The following NIBAN2 variants were observed in gnomAD, a reference collection of about 807,000 sequenced individuals.
The protein encoded by NIBAN2 is protein Niban 2.
NIBAN2 carries 36 observed loss-of-function variants against 81.8 expected under a neutral mutation model. That is an observed-to-expected ratio of 0.44 (90% CI 0.34 to 0.58). NIBAN2 has a LOEUF of 0.58. Among genes scored for constraint, NIBAN2 ranks in the 20% least tolerant of loss-of-function variants. The pLI, the probability that NIBAN2 is intolerant of heterozygous loss-of-function variation, is 0.02. For synonymous variants in NIBAN2, 445 were observed against 441.6 expected (o/e 1.01, Z -0.10); for missense variants, 897 against 1,014.1 (o/e 0.88, Z 1.57).
chr9:127,531,573 AAAGT>A, intron 2 of NIBAN2, 71 bp downstream of exon 2: 1 of 1,480,390 alleles, frequency 6.8e-7, no homozygotes, highest in Non-Finnish European at 9.2e-7. Context: ...GAGGCCCAGA[AAAGT>A]AAGGTCACTC....
chr9:127,569,810 A>G (rs575373648), upstream of NIBAN2, among the ~76,000 whole-genome samples: 1 of 152,248 alleles, frequency 6.6e-6, no homozygotes, highest in African/African-American at 2.4e-5. Flanking sequence ...GCATATGGGC[A>G]TTTCACTCGG....
At chr9:127,535,462 C>T (rs1837257999) in intron 1 of NIBAN2, among the ~76,000 whole-genome samples, 1 of 152,120 alleles carries the variant, frequency 6.6e-6, no homozygotes, top group African/African-American at 2.4e-5. Context: ...AGGCTGTGGA[C>T]TGGAGAGGAA....
Position 127,541,301 on chromosome 9 carries a change from GAC to G in NIBAN2, c.56-9525_56-9524del, listed in dbSNP as rs1837374934. On this transcript the variant is annotated intron_variant, in intron 1 of 13. Coordinates refer to ENST00000373312, the MANE Select transcript of NIBAN2 (RefSeq NM_022833.4). ...TTGCCCCCCACCTACTGTCACAATC[GAC>G]ACACAATAGCAGCAGCCACTTGTCA... Among the ~76,000 whole-genome samples, 3 of 152,256 alleles carry G rather than the reference GAC, an allele frequency of 2.0e-5. No individual in the cohort carries two copies. In the South Asian group the frequency reaches 6.2e-4, roughly 32 times the overall value.
chr9:127,516,414 G>A (rs1321561877), intron 8 of NIBAN2, among the ~76,000 whole-genome samples: 1 of 151,868 alleles, frequency 6.6e-6, no homozygotes, highest in Admixed American at 6.6e-5. Flanking sequence ...GCATGGTGGC[G>A]CGCGTGTGCC....
intron 1 of NIBAN2, among the ~76,000 whole-genome samples, chr9:127,548,164 T>G (rs1837508303): frequency 6.6e-6 from 1 of 152,084 alleles, no homozygotes; most frequent in African/African-American, 2.4e-5. Context: ...GGTCATGAGA[T>G]TAAAAGGTGA....
chr9:127,507,286 GCCGCCC>G lies in NIBAN2; in HGVS notation c.1794_1799del (p.Gly599_Gly600del), dbSNP rs532028077. 4.7e-4 allele frequency: 743 copies of G among 1,579,592 alleles called. 1 individual carries two copies. In the African/African-American group the frequency reaches 8.8e-3, roughly 19 times the overall value. ...ACTCCGGGGTGCTGGGGCTGGGGCTGCCGCCCCCGCCGCTGTTGCTGTACTCCTCGC... is the reference window on the plus strand; with the variant it reads ...ACTCCGGGGTGCTGGGGCTGGGGCTGCCGCCGCTGTTGCTGTACTCCTCGC... On this transcript the variant is annotated inframe_deletion, in exon 14 of 14. Transcript: ENST00000373312. The surrounding 1 kb of genome is among the most constrained non-coding windows in gnomAD (Gnocchi z 6.8).
intron 1 of NIBAN2, among the ~76,000 whole-genome samples, chr9:127,535,741 G>A (rs2132195786): frequency 6.6e-6 from 1 of 152,100 alleles, no homozygotes; most frequent in East Asian, 1.9e-4. Context: ...AATGGGTCAG[G>A]TAGGGAGGGC....
At chr9:127,544,392 A>C (rs1837434176) in intron 1 of NIBAN2, among the ~76,000 whole-genome samples, 1 of 152,208 alleles carries the variant, frequency 6.6e-6, no homozygotes, top group Non-Finnish European at 1.5e-5. Context: ...TTGCTAGGGC[A>C]GGGAGCACTC....
chr9:127,557,704 C>A (rs1346249869), intron 1 of NIBAN2, among the ~76,000 whole-genome samples: 2 of 152,258 alleles, frequency 1.3e-5, no homozygotes, highest in African/African-American at 4.8e-5. Context: ...ACCAGGCCGG[C>A]TCTCAGGTCA....
chr9:127,523,953 C>T, intron 4 of NIBAN2, 107 bp from the exon 5 acceptor site: 1 of 1,233,472 alleles, frequency 8.1e-7, no homozygotes. Flanking sequence ...GGCTCAGGCC[C>T]AGAGAAGGCC....
Position 127,559,886 on chromosome 9 carries a change from C to G in NIBAN2, c.55+8934G>C, listed in dbSNP as rs1837740395. Among the ~76,000 whole-genome samples the G allele has an allele frequency of 6.6e-6, 1 of 152,182 alleles. No homozygotes were observed. Among genetic ancestry groups the G allele is most frequent in the South Asian group, 2.1e-4 (1 of 4,830 alleles). On this transcript the variant is annotated intron_variant, in intron 1 of 13. Coordinates refer to ENST00000373312, the MANE Select transcript of NIBAN2 (RefSeq NM_022833.4). This position sits in a 1 kb window ranked among gnomAD's most constrained non-coding sequence, Gnocchi z 4.0. ...ACGGTAACAGTGGATGAACCAGGAG[C>G]CGATGCTCCCTAAGCACAAAGAGCT... is the stretch of plus-strand genomic sequence containing the variant.
chr9:127,536,890 G>C lies in NIBAN2; in HGVS notation c.56-5112C>G, dbSNP rs756641936. 5.3e-5 allele frequency among the ~76,000 whole-genome samples: 8 copies of C among 152,206 alleles called. No individual in the cohort carries two copies. The highest frequency in any genetic ancestry group is 1.2e-4 in the Non-Finnish European group (8 of 68,022). ...ACTGGCTGTGCCCCCATCTACAGAG[G>C]CAGGGCTGGCCCGCAGGTCCTGGGC... On this transcript the variant is annotated intron_variant, in intron 1 of 13. Coordinates refer to ENST00000373312, the MANE Select transcript of NIBAN2 (RefSeq NM_022833.4). The surrounding 1 kb of genome is among the most constrained non-coding windows in gnomAD (Gnocchi z 4.0).
Position 127,508,400 on chromosome 9 carries a change from G to C in NIBAN2, c.1434+22C>G, listed in dbSNP as rs1836656846. On this transcript the variant is annotated intron_variant, in intron 11 of 13. Coordinates refer to ENST00000373312, the MANE Select transcript of NIBAN2 (RefSeq NM_022833.4). This position sits in a 1 kb window ranked among gnomAD's most constrained non-coding sequence, Gnocchi z 6.4. ...CTCGGCCTCGCCTAGGACGGTCCGGGGCAGGGCGTGGGGCCGCTCACCTTC... is the reference window on the plus strand; with the variant it reads ...CTCGGCCTCGCCTAGGACGGTCCGGCGCAGGGCGTGGGGCCGCTCACCTTC... The C allele has an allele frequency of 6.3e-7, 1 of 1,585,278 alleles. No homozygotes were observed. The highest frequency in any genetic ancestry group is 1.1e-5 in the South Asian group (1 of 90,614).
rs555606742 is a variant in NIBAN2 at position 127,507,778 on chromosome 9, C to A, written c.1654+89G>T. On this transcript the variant is annotated intron_variant, in intron 13 of 13. Transcript: ENST00000373312. The surrounding 1 kb of genome is among the most constrained non-coding windows in gnomAD (Gnocchi z 6.8). ...GTGCAAGTCTGGGCTTTTCTTTGAGCCTTAGCTGACCCCCTCAGCTGCCAC... is the reference window on the plus strand; with the variant it reads ...GTGCAAGTCTGGGCTTTTCTTTGAGACTTAGCTGACCCCCTCAGCTGCCAC... The A allele has an allele frequency of 2.5e-6, 3 of 1,217,244 alleles. No individual in the cohort carries two copies. Among genetic ancestry groups the A allele is most frequent in the Non-Finnish European group, 2.4e-6 (2 of 827,826 alleles). 75.4% of individuals were successfully genotyped at this position (1,217,244 alleles called of 1,614,324 possible).
At chr9:127,513,416 A>T (rs562299170) in intron 8 of NIBAN2, among the ~76,000 whole-genome samples, 1 of 152,322 alleles carries the variant, frequency 6.6e-6, no homozygotes, top group East Asian at 1.9e-4. Flanking sequence ...TGAGGCTGAG[A>T]CCTACTGGGC....
At chr9:127,549,236 A>G (rs1176387542) in intron 1 of NIBAN2, among the ~76,000 whole-genome samples, 1 of 152,184 alleles carries the variant, frequency 6.6e-6, no homozygotes, top group East Asian at 1.9e-4. Flanking sequence ...CTCTACTGCT[A>G]ATATCCTTTC....
rs763750846 is a variant in NIBAN2, at chr9:127,527,583, G to T, written c.187-261C>A. 2.6e-5 allele frequency among the ~76,000 whole-genome samples: 4 copies of T among 152,200 alleles called. No homozygotes were observed. The East Asian group carries it at 7.7e-4, about 29-fold the overall frequency. On this transcript the variant is annotated intron_variant, in intron 2 of 13. Transcript: ENST00000373312. Reference sequence around the variant, plus strand: ...TGGTGATGCCAGGACTTGAACCCAGGACAGGCACTGATGTAGGGCCTGGCC... The same window carrying T: ...TGGTGATGCCAGGACTTGAACCCAGTACAGGCACTGATGTAGGGCCTGGCC...
intron 1 of NIBAN2, among the ~76,000 whole-genome samples, chr9:127,552,823 A>C (rs781717554): frequency 6.6e-5 from 10 of 150,700 alleles, no homozygotes; most frequent in Admixed American, 1.3e-4. Flanking sequence ...CAAGTAGCTG[A>C]GATTACAGGT....
intron 8 of NIBAN2, among the ~76,000 whole-genome samples, chr9:127,516,396 T>TA (rs1836830012): frequency 6.6e-6 from 1 of 152,020 alleles, no homozygotes; most frequent in Non-Finnish European, 1.5e-5. Context: ...TACACAAAAG[T>TA]TAGCCGGGCA....
Sources: allele counts gnomAD v4.1 joint callset (sites outside exome capture counted in the v4.1 genomes callset), GRCh38; gene constraint gnomAD v4.1.1; non-coding constraint Gnocchi (gnomAD v3.1); transcripts MANE v1.5; gene names NCBI Gene and HGNC (gene_info 2026-07-23, HGNC 2026-07-21).